ERC1: variants seen among roughly 807,000 people sequenced by gnomAD.
ERC1 encodes the protein RAB6 interacting protein 2.
A neutral mutation model predicts 132.0 loss-of-function variants in ERC1; 56 were observed. That is an observed-to-expected ratio of 0.42 (90% CI 0.34 to 0.53). The LOEUF is 0.53. Ranked by LOEUF, ERC1 falls within the 20% of genes least tolerant of loss-of-function variation. ERC1 has a pLI of 0.03. For synonymous variants in ERC1, 478 were observed against 476.1 expected, an observed-to-expected ratio of 1.00 and a Z score of -0.05; for missense variants, 1,202 against 1,349.9, an observed-to-expected ratio of 0.89 and a Z score of 1.72.
intron 1 of ERC1, among the ~76,000 whole-genome samples, chr12:1,026,476 G>A (rs1966907048): frequency 6.6e-6 from 1 of 152,182 alleles, no homozygotes; most frequent in Non-Finnish European, 1.5e-5. Context: ...GTACTATACA[G>A]TTTTCGTTAT....
intron 15 of ERC1, among the ~76,000 whole-genome samples, chr12:1,324,766 C>T (rs2082336995): frequency 6.6e-6 from 1 of 152,154 alleles, no homozygotes; most frequent in African/African-American, 2.4e-5. Flanking sequence ...GGTAAATCTT[C>T]CAATTTTGTT....
chr12:1,112,038 GA>G lies in ERC1; in HGVS notation c.1318-171del, dbSNP rs551042867. The stretch of plus-strand genomic sequence containing the variant: ...AGCACATTCCAGTCCACTGTGGGGG[GA>G]AAAAACCTGTGAACTTAGAAACTAC... On this transcript the variant is annotated intron_variant, in intron 5 of 18. Coordinates refer to ENST00000360905, the MANE Select transcript of ERC1 (RefSeq NM_178040.4). Among the ~76,000 whole-genome samples the G allele has an allele frequency of 5.9e-3, 332 of 56,598 alleles. 1 individual carries two copies. Among genetic ancestry groups the G allele is most frequent in the African/African-American group, 0.019 (312 of 16,638 alleles). The allele number at this position is 56,598 out of a possible 152,430, so 37.1% of individuals were successfully genotyped here. A position where few individuals can be genotyped will look rare whatever the true frequency, so the allele number is the denominator to read the frequency against.
chr12:1,005,366 T>C (rs534228808), intron 1 of ERC1, among the ~76,000 whole-genome samples: 15 of 151,834 alleles, frequency 9.9e-5, no homozygotes, highest in Non-Finnish European at 1.5e-4. Flanking sequence ...TGGTCTCAAA[T>C]TCCTGAGCTT....
intron 13 of ERC1, among the ~76,000 whole-genome samples, chr12:1,243,271 C>A (rs535181199): frequency 4.6e-5 from 7 of 151,692 alleles, no homozygotes; most frequent in Non-Finnish European, 1.0e-4. Flanking sequence ...AGATTATCTG[C>A]AAATACGACA....
chr12:1,373,682 A>G (rs2087523582), intron 16 of ERC1, among the ~76,000 whole-genome samples: 1 of 152,216 alleles, frequency 6.6e-6, no homozygotes, highest in Non-Finnish European at 1.5e-5. Context: ...TGGGAGGCTG[A>G]GGCAGGAGAA....
At chr12:991,527 G>GGGGGTGGGGA (rs1216296962) in intron 1 of ERC1, 5 of 152,314 alleles carry the variant, frequency 3.3e-5, no homozygotes, top group Non-Finnish European at 5.9e-5. Context: ...CGGCAGCCCG[G>GGGGGTGGGGA]GGGGTGGGGA....
intron 1 of ERC1, among the ~76,000 whole-genome samples, chr12:994,846 C>G (rs1960460287): frequency 6.6e-6 from 1 of 152,094 alleles, no homozygotes; most frequent in South Asian, 2.1e-4. Flanking sequence ...CCTGTAATCC[C>G]AGCACTTTGG....
At chr12:1,200,690 C>T (rs1004539186) in intron 12 of ERC1, among the ~76,000 whole-genome samples, 4 of 152,136 alleles carry the variant, frequency 2.6e-5, no homozygotes, top group Non-Finnish European at 4.4e-5. Flanking sequence ...TCCTGAGTAG[C>T]TGGGACTACA....
chr12:1,407,895 C>T (rs1591836676), intron 16 of ERC1, among the ~76,000 whole-genome samples: 1 of 152,212 alleles, frequency 6.6e-6, no homozygotes, highest in African/African-American at 2.4e-5. Context: ...TTAATTACCT[C>T]CTGAAGACCC....
At chr12:1,224,110 G>C (rs2074368478) in intron 12 of ERC1, among the ~76,000 whole-genome samples, 1 of 152,126 alleles carries the variant, frequency 6.6e-6, no homozygotes, top group Non-Finnish European at 1.5e-5. Context: ...ATATTTAGAT[G>C]ATACTCCCTC....
intron 15 of ERC1, among the ~76,000 whole-genome samples, chr12:1,326,598 T>C (rs928346603): frequency 6.6e-6 from 1 of 152,210 alleles, no homozygotes; most frequent in African/African-American, 2.4e-5. Flanking sequence ...ATTCTTTGTG[T>C]TTGAAAGGTG....
chr12:1,273,326 C>A (rs569348991), intron 14 of ERC1, among the ~76,000 whole-genome samples: 2 of 152,182 alleles, frequency 1.3e-5, no homozygotes, highest in Non-Finnish European at 2.9e-5. Flanking sequence ...GAAAACAAAT[C>A]ATCTTCTTAG....
chr12:1,210,571 A>C (rs754072804), intron 12 of ERC1, among the ~76,000 whole-genome samples: 3 of 152,210 alleles, frequency 2.0e-5, no homozygotes, highest in Non-Finnish European at 2.9e-5. Flanking sequence ...GACTCCTGTC[A>C]TAGGCAGGAG....
intron 8 of ERC1, among the ~76,000 whole-genome samples, chr12:1,164,337 G>A (rs935900428): frequency 7.1e-6 from 1 of 141,558 alleles, no homozygotes; most frequent in South Asian, 2.2e-4. Context: ...TTTATTTTAT[G>A]TTATTTTATG....
intron 9 of ERC1, among the ~76,000 whole-genome samples, chr12:1,181,110 G>A (rs1954410827): frequency 6.6e-6 from 1 of 152,146 alleles, no homozygotes; most frequent in Admixed American, 6.5e-5. Context: ...CCTGCACCTG[G>A]CCAAATTGCT....
chr12:1,011,520 T>C (rs1964684718), intron 1 of ERC1, among the ~76,000 whole-genome samples: 1 of 152,232 alleles, frequency 6.6e-6, no homozygotes, highest in South Asian at 2.1e-4. Context: ...TTTTCCTTTT[T>C]AAATAAGTAG....
At chr12:1,293,917 A>G (rs144752129) in intron 15 of ERC1, among the ~76,000 whole-genome samples, 2 of 152,304 alleles carry the variant, frequency 1.3e-5, no homozygotes, top group African/African-American at 4.8e-5. Context: ...ATTTTTCACA[A>G]TGGGCTAGAA....
intron 15 of ERC1, among the ~76,000 whole-genome samples, chr12:1,349,732 T>C (rs2084832296): frequency 2.0e-5 from 3 of 152,282 alleles, no homozygotes; most frequent in Admixed American, 2.0e-4. Flanking sequence ...CTTCCAGCAT[T>C]TTATTCAAAG....
At chr12:1,360,312 T>C (rs542389343) in intron 15 of ERC1, among the ~76,000 whole-genome samples, 3 of 152,302 alleles carry the variant, frequency 2.0e-5, no homozygotes, top group South Asian at 4.1e-4. Context: ...GGCTATGAAG[T>C]AGAAGAATCT....
Sources: gnomAD v4.1 joint callset for allele counts (sites outside exome capture counted in the v4.1 genomes callset) on GRCh38, gnomAD v4.1.1 for gene constraint, MANE v1.5 for transcripts, NCBI Gene and HGNC (gene_info 2026-07-23, HGNC 2026-07-21) for gene names.